MALRD1: variants seen among roughly 807,000 people sequenced by gnomAD.
MALRD1 encodes MAM and LDL-receptor class A domain-containing protein 1.
In MALRD1, 247 loss-of-function variants were observed where a neutral mutation model predicts 242.1. The observed-to-expected ratio is 1.02, with a 90% CI of 0.92 to 1.13. The LOEUF is 1.13. Among genes scored for constraint, MALRD1 ranks in the 50% most tolerant of loss-of-function variants. The probability of loss-of-function intolerance (pLI) is 0.00; values close to 1 mark genes in which losing one functional copy is unlikely to be tolerated. For missense variants in MALRD1, 2,989 were observed against 2,533.1 expected (o/e 1.18, Z -3.86); for synonymous variants, 995 against 866.6 (o/e 1.15, Z -2.60).
At chr10:19,187,238 C>T (rs1398628961) in intron 14 of MALRD1, among the ~76,000 whole-genome samples, 1 of 151,878 alleles carries the variant, frequency 6.6e-6, no homozygotes, top group Admixed American at 6.6e-5. Context: ...TGGGGACAGA[C>T]TGACCCTTAT....
At chr10:19,340,561 A>T (rs1051256646) in intron 24 of MALRD1, among the ~76,000 whole-genome samples, 2 of 152,122 alleles carry the variant, frequency 1.3e-5, no homozygotes, top group African/African-American at 4.8e-5. Flanking sequence ...TAAATATTTC[A>T]TTGGCCATAC....
chr10:19,082,337 A>G (rs868751953), intron 2 of MALRD1, among the ~76,000 whole-genome samples: 14 of 151,806 alleles, frequency 9.2e-5, no homozygotes, highest in African/African-American at 3.1e-4. Context: ...TATTGCCACA[A>G]ATTACATCAT....
At chr10:19,164,208 A>G (rs34572308) in intron 12 of MALRD1, among the ~76,000 whole-genome samples, 59,444 of 152,122 alleles carry the variant, frequency 0.39, 12,278 homozygotes, top group Middle Eastern at 0.47. Context: ...TCAGGTGGTC[A>G]CAATTAAGTA....
Position 19,507,842 on chromosome 10 carries a change from G to T in MALRD1, c.5320+9196G>T, listed in dbSNP as rs76782488. Reference sequence around the variant, plus strand: ...GTTTTCACAGGTGGGTGACACAAAAGTAAAATAATGTACATTGGCATGATG... The same window carrying T: ...GTTTTCACAGGTGGGTGACACAAAATTAAAATAATGTACATTGGCATGATG... On this transcript the variant is annotated intron_variant, in intron 31 of 39. Coordinates refer to ENST00000454679, the MANE Select transcript of MALRD1 (RefSeq NM_001142308.3). Among the ~76,000 whole-genome samples the T allele has an allele frequency of 5.9e-3, 891 of 152,222 alleles. 13 individuals carry two copies. The highest frequency in any genetic ancestry group is 0.023 in the Admixed American group (345 of 15,292).
chr10:19,159,763 CA>C (rs1834317968), intron 12 of MALRD1, among the ~76,000 whole-genome samples: 2 of 152,148 alleles, frequency 1.3e-5, no homozygotes, highest in African/African-American at 4.8e-5. Flanking sequence ...ACTGTACAGA[CA>C]CGAGAGCCAA....
At chr10:19,492,001 T>A (rs1339962819) in intron 30 of MALRD1, among the ~76,000 whole-genome samples, 1 of 151,402 alleles carries the variant, frequency 6.6e-6, no homozygotes, top group African/African-American at 2.4e-5. Context: ...TTTTTTTTTC[T>A]ATTTTTTTTT....
At chr10:19,268,140 T>C (rs1840042607) in intron 19 of MALRD1, among the ~76,000 whole-genome samples, 1 of 152,122 alleles carries the variant, frequency 6.6e-6, no homozygotes, top group Non-Finnish European at 1.5e-5. Flanking sequence ...CAGTCATTTG[T>C]AGTCACATTC....
chr10:19,231,842 GT>G (rs1029334593), intron 18 of MALRD1, among the ~76,000 whole-genome samples: 12 of 101,716 alleles, frequency 1.2e-4, no homozygotes, highest in South Asian at 2.6e-4. Flanking sequence ...TTCTGTTTTT[GT>G]TTTTTTTCTA....
chr10:19,209,110 T>TA (rs1380989176), intron 17 of MALRD1, among the ~76,000 whole-genome samples, 158 bp from the exon 18 acceptor site: 6 of 152,072 alleles, frequency 3.9e-5, no homozygotes, highest in Admixed American at 1.3e-4. Context: ...ACTCTTTTTT[T>TA]AAAAAAAACA....
intron 28 of MALRD1, among the ~76,000 whole-genome samples, chr10:19,433,065 A>AC (rs1372155828): frequency 2.0e-5 from 3 of 152,204 alleles, no homozygotes; most frequent in African/African-American, 7.2e-5. Context: ...TGTGCAGGGC[A>AC]CTGTGTTAGG....
intron 5 of MALRD1, among the ~76,000 whole-genome samples, chr10:19,113,817 A>ACT (rs1836771820): frequency 6.8e-6 from 1 of 146,756 alleles, no homozygotes; most frequent in African/African-American, 2.6e-5. Flanking sequence ...ACACACACAC[A>ACT]CACACACACA....
At chr10:19,608,793 C>A (rs1266268296) in intron 35 of MALRD1, among the ~76,000 whole-genome samples, 3 of 151,952 alleles carry the variant, frequency 2.0e-5, no homozygotes, top group African/African-American at 7.2e-5. Context: ...TACTCACAGA[C>A]CACTGCATTT....
At chr10:19,466,998 G>A (rs997760159) in intron 29 of MALRD1, among the ~76,000 whole-genome samples, 2 of 152,098 alleles carry the variant, frequency 1.3e-5, no homozygotes, top group Admixed American at 6.5e-5. Flanking sequence ...TCTGTCTCTC[G>A]CTTTCTAAGG....
At chr10:19,317,218 C>G (rs570246253) in intron 21 of MALRD1, among the ~76,000 whole-genome samples, 1 of 151,862 alleles carries the variant, frequency 6.6e-6, no homozygotes, top group African/African-American at 2.4e-5. Flanking sequence ...ATGATCAAGG[C>G]ACTGACATAT....
intron 24 of MALRD1, among the ~76,000 whole-genome samples, chr10:19,339,216 C>T (rs1843732359): frequency 6.6e-6 from 1 of 152,082 alleles, no homozygotes; most frequent in African/African-American, 2.4e-5. Flanking sequence ...TGTATTTTAG[C>T]AGTCCACTAT....
At chr10:19,060,781 G>A (rs1426064220) in intron 1 of MALRD1, among the ~76,000 whole-genome samples, 2 of 152,164 alleles carry the variant, frequency 1.3e-5, no homozygotes, top group African/African-American at 4.8e-5. Context: ...AGATTTCAAG[G>A]TTTGTCAGCA....
At chr10:19,401,399 A>G (rs1310670517) in intron 28 of MALRD1, among the ~76,000 whole-genome samples, 1 of 152,226 alleles carries the variant, frequency 6.6e-6, no homozygotes, top group Non-Finnish European at 1.5e-5. Flanking sequence ...ACCAAATTAT[A>G]TATGGAAATT....
chr10:19,490,563 C>T (rs1837446225), intron 29 of MALRD1, among the ~76,000 whole-genome samples: 1 of 87,606 alleles, frequency 1.1e-5, no homozygotes. Flanking sequence ...TGAAGGGAGG[C>T]TGAGGTGGGT....
intron 19 of MALRD1, among the ~76,000 whole-genome samples, chr10:19,266,267 T>C (rs1839972646): frequency 6.6e-6 from 1 of 151,930 alleles, no homozygotes; most frequent in African/African-American, 2.4e-5. Flanking sequence ...AATTCCTTCC[T>C]AGCTGTTTCG....
Sources: gnomAD v4.1 joint callset for allele counts (sites outside exome capture counted in the v4.1 genomes callset) on GRCh38, gnomAD v4.1.1 for gene constraint, MANE v1.5 for transcripts, NCBI Gene and HGNC (gene_info 2026-07-23, HGNC 2026-07-21) for gene names.